The following PTPRK variants were observed in gnomAD, a reference collection of about 807,000 sequenced individuals.
The protein encoded by PTPRK is protein tyrosine phosphatase receptor type K.
PTPRK carries 75 observed loss-of-function variants against 178.0 expected under a neutral mutation model. The observed-to-expected ratio is 0.42, with a 90% CI of 0.35 to 0.51. PTPRK has a LOEUF of 0.51. PTPRK is among the 20% of genes least tolerant of loss of function. The pLI is 0.02. For synonymous variants in PTPRK, 637 were observed against 620.6 expected (o/e 1.03, Z -0.39); for missense variants, 1,441 against 1,797.8 (o/e 0.80, Z 3.59).
intron 2 of PTPRK, among the ~76,000 whole-genome samples, chr6:128,341,989 A>T (rs1831725720): frequency 6.6e-6 from 1 of 152,224 alleles, no homozygotes; most frequent in Non-Finnish European, 1.5e-5. Context: ...GCAGTGGCTC[A>T]CGCCTGTAAT....
chr6:128,141,615 A>G (rs935140940), intron 7 of PTPRK, among the ~76,000 whole-genome samples: 1 of 151,966 alleles, frequency 6.6e-6, no homozygotes, highest in African/African-American at 2.4e-5. Context: ...TCTGAGTGCA[A>G]ACCTGAGGTA....
intron 1 of PTPRK, among the ~76,000 whole-genome samples, chr6:128,488,486 T>A (rs1472074857): frequency 6.6e-6 from 1 of 152,204 alleles, no homozygotes; most frequent in African/African-American, 2.4e-5. Context: ...TGGATGCTGT[T>A]ATCAGAATGG....
At chr6:127,995,316 T>C (rs778635061) in intron 18 of PTPRK, 146 bp downstream of exon 18, 1 of 1,596,208 alleles carries the variant, frequency 6.3e-7, no homozygotes, top group South Asian at 1.1e-5. Flanking sequence ...ACAATGTCAG[T>C]AAGTACTAGG....
intron 13 of PTPRK, among the ~76,000 whole-genome samples, chr6:128,040,417 T>C (rs1017298573): frequency 6.6e-6 from 1 of 152,024 alleles, no homozygotes; most frequent in Non-Finnish European, 1.5e-5. Flanking sequence ...GGTTTTCACC[T>C]GGGAAACAGC....
At chr6:128,152,864 C>A (rs977344892) in intron 7 of PTPRK, among the ~76,000 whole-genome samples, 3 of 151,872 alleles carry the variant, frequency 2.0e-5, no homozygotes, top group Non-Finnish European at 4.4e-5. Flanking sequence ...GAGCAACTTG[C>A]GGAAGAAGAG....
intron 3 of PTPRK, among the ~76,000 whole-genome samples, chr6:128,302,519 C>A (rs534007680): frequency 1.3e-5 from 2 of 150,980 alleles, no homozygotes; most frequent in East Asian, 3.9e-4. Context: ...TAAAACCAGT[C>A]TTCTAGGCTA....
At chr6:128,342,779 A>T (rs543082982) in intron 2 of PTPRK, among the ~76,000 whole-genome samples, 2 of 151,904 alleles carry the variant, frequency 1.3e-5, no homozygotes, top group African/African-American at 2.4e-5. Context: ...ATATCTACAA[A>T]TTTTTTTTTC....
chr6:128,272,194 T>C (rs1234234739), intron 3 of PTPRK, among the ~76,000 whole-genome samples: 1 of 152,124 alleles, frequency 6.6e-6, no homozygotes, highest in African/African-American at 2.4e-5. Context: ...TTACACCTTA[T>C]ATAAAAATTA....
chr6:128,158,271 C>A (rs897760106), intron 7 of PTPRK, among the ~76,000 whole-genome samples: 2 of 151,188 alleles, frequency 1.3e-5, no homozygotes, highest in Admixed American at 1.3e-4. Context: ...GGGGTGGGGG[C>A]AGGGGGGAGT....
At chr6:128,272,069 C>T (rs893382336) in intron 3 of PTPRK, among the ~76,000 whole-genome samples, 2 of 152,046 alleles carry the variant, frequency 1.3e-5, no homozygotes, top group Non-Finnish European at 2.9e-5. Context: ...ATACAACCAT[C>T]TGATCTTTGA....
chr6:128,455,676 G>T (rs1848298966), intron 1 of PTPRK, among the ~76,000 whole-genome samples: 1 of 151,980 alleles, frequency 6.6e-6, no homozygotes, highest in Non-Finnish European at 1.5e-5. Flanking sequence ...GGATACCAAA[G>T]GTCATACATT....
intron 3 of PTPRK, among the ~76,000 whole-genome samples, chr6:128,292,603 A>G (rs1440478559): frequency 6.6e-6 from 1 of 151,922 alleles, no homozygotes; most frequent in Non-Finnish European, 1.5e-5. Flanking sequence ...AACTCGGTGG[A>G]TTTATATGTG....
intron 2 of PTPRK, among the ~76,000 whole-genome samples, chr6:128,327,529 G>A (rs1162171296): frequency 6.6e-6 from 1 of 151,982 alleles, no homozygotes; most frequent in Non-Finnish European, 1.5e-5. Flanking sequence ...CACACATCAT[G>A]CCAGTTTTCT....
intron 1 of PTPRK, among the ~76,000 whole-genome samples, chr6:128,475,406 G>GC (rs1851249241): frequency 6.6e-6 from 1 of 151,988 alleles, no homozygotes; most frequent in South Asian, 2.1e-4. Context: ...CGAGAACAGC[G>GC]AAAGATAGAT....
intron 7 of PTPRK, among the ~76,000 whole-genome samples, chr6:128,162,838 CTA>C: frequency 6.6e-6 from 1 of 151,552 alleles, no homozygotes; most frequent in Non-Finnish European, 1.5e-5. Flanking sequence ...TTCTGTTTTT[CTA>C]TGTGATTAGC....
chr6:128,280,234 C>T (rs528417993), intron 3 of PTPRK, among the ~76,000 whole-genome samples: 8 of 152,130 alleles, frequency 5.3e-5, no homozygotes, highest in South Asian at 2.1e-4. Flanking sequence ...AGGTATCCTA[C>T]GCCAGACTCT....
chr6:128,462,314 T>G (rs952777411), intron 1 of PTPRK, among the ~76,000 whole-genome samples: 2 of 152,172 alleles, frequency 1.3e-5, no homozygotes, highest in Non-Finnish European at 2.9e-5. Flanking sequence ...AAACTGTATT[T>G]TAGAAAGGAA....
chr6:128,293,194 C>T (rs190553583), intron 3 of PTPRK, among the ~76,000 whole-genome samples: 28 of 152,148 alleles, frequency 1.8e-4, no homozygotes, highest in East Asian at 7.7e-4. Flanking sequence ...GCTGCTATAA[C>T]AAAATACCAG....
intron 3 of PTPRK, among the ~76,000 whole-genome samples, chr6:128,254,736 A>G (rs1817005417): frequency 6.7e-6 from 1 of 149,488 alleles, no homozygotes; most frequent in African/African-American, 2.5e-5. Context: ...TTCAGAAGTT[A>G]GTCAAAAAAA....
Sources: gnomAD v4.1 joint callset for allele counts (sites outside exome capture counted in the v4.1 genomes callset) on GRCh38, gnomAD v4.1.1 for gene constraint, MANE v1.5 for transcripts, NCBI Gene and HGNC (gene_info 2026-07-23, HGNC 2026-07-21) for gene names.